Variants in FBXL7 observed in about 807,000 individuals in gnomAD.
FBXL7 encodes the protein F-box/LRR-repeat protein 7.
In FBXL7, 12 loss-of-function variants were observed where a neutral mutation model predicts 38.3. The ratio of observed to expected loss-of-function variants is 0.31; its 90% CI spans 0.20 to 0.51. The LOEUF (loss-of-function observed/expected upper bound fraction) is 0.51. FBXL7 is among the 20% of genes least tolerant of loss of function. The pLI is 0.98. For missense variants in FBXL7, 567 were observed against 676.4 expected (o/e 0.84, Z 1.79); for synonymous variants, 297 against 300.9 (o/e 0.99, Z 0.13).
chr5:15,885,090 C>G (rs934103784), intron 2 of FBXL7, among the ~76,000 whole-genome samples: 1 of 152,188 alleles, frequency 6.6e-6, no homozygotes, highest in Non-Finnish European at 1.5e-5. Context: ...AAGGTGTTGT[C>G]TGGGACTGCA....
intron 2 of FBXL7, among the ~76,000 whole-genome samples, chr5:15,749,352 T>C (rs879512109): frequency 1.3e-5 from 2 of 150,656 alleles, no homozygotes; most frequent in Non-Finnish European, 3.0e-5. Context: ...CTCGGCTGGG[T>C]GCGGTGGCTC....
intron 1 of FBXL7, among the ~76,000 whole-genome samples, chr5:15,615,589 T>TA (rs1171373789): frequency 6.6e-6 from 1 of 152,258 alleles, no homozygotes. Flanking sequence ...GATTATGCCT[T>TA]ATTCTTTGCT....
In FBXL7 at chr5:15,726,462, C is replaced by T. The variant is rs187921932; in HGVS notation, c.127+110390C>T. 1.9e-3 allele frequency among the ~76,000 whole-genome samples: 295 copies of T among 151,898 alleles called. 1 individual carries two copies. Among genetic ancestry groups the T allele is most frequent in the Non-Finnish European group, 2.7e-3 (183 of 67,944 alleles). ...ATAAAATAAACACTTTGGGAGGCTG[C>T]GGCAGGCAGATCACGAGATCAGGAG... On this transcript the variant is annotated intron_variant, in intron 2 of 3. Transcript: ENST00000504595.
chr5:15,912,901 C>T (rs928466475), intron 2 of FBXL7, among the ~76,000 whole-genome samples: 5 of 152,114 alleles, frequency 3.3e-5, no homozygotes, highest in Admixed American at 6.5e-5. Flanking sequence ...ACTACCCATG[C>T]GAAATGTATC....
Position 15,585,224 on chromosome 5 carries a change from G to A in FBXL7, c.38-30759G>A, listed in dbSNP as rs532242561. 4.1e-4 allele frequency among the ~76,000 whole-genome samples: 63 copies of A among 152,274 alleles called. 1 individual carries two copies. In the Middle Eastern group the frequency reaches 0.01, roughly 25 times the overall value. On this transcript the variant is annotated intron_variant, in intron 1 of 3. Coordinates refer to ENST00000504595, the MANE Select transcript of FBXL7 (RefSeq NM_012304.5). Reference sequence around the variant, plus strand: ...GACACATTTGTAATTTGCATTAGATGAAAGGAAAGACAGAAATGTACACTG... The same window carrying A: ...GACACATTTGTAATTTGCATTAGATAAAAGGAAAGACAGAAATGTACACTG...
rs184214110 is a variant in FBXL7, at chr5:15,595,426, G to A, written c.38-20557G>A. On this transcript the variant is annotated intron_variant, in intron 1 of 3. Coordinates refer to ENST00000504595, the MANE Select transcript of FBXL7 (RefSeq NM_012304.5). ...GCAGACCAGATCGGCTGAGGTACAG[G>A]GAGGAAAGAAGCACCTGGAGAGATC... is the stretch of plus-strand genomic sequence containing the variant. 3.3e-5 allele frequency among the ~76,000 whole-genome samples: 5 copies of A among 152,254 alleles called. 1 individual carries two copies. In the East Asian group the frequency reaches 7.7e-4, roughly 24 times the overall value.
At chr5:15,709,446 A>G (rs1445954419) in intron 2 of FBXL7, among the ~76,000 whole-genome samples, 5 of 151,350 alleles carry the variant, frequency 3.3e-5, no homozygotes, top group Non-Finnish European at 7.4e-5. Flanking sequence ...AGGCAGGAGA[A>G]TTGCTCAAAC....
chr5:15,594,146 G>C (rs1378907572), intron 1 of FBXL7, among the ~76,000 whole-genome samples: 1 of 152,168 alleles, frequency 6.6e-6, no homozygotes, highest in Non-Finnish European at 1.5e-5. Context: ...AATTGGGTAA[G>C]TTTTTAAGGC....
chr5:15,853,444 C>G (rs1739160621), intron 2 of FBXL7, among the ~76,000 whole-genome samples: 1 of 151,938 alleles, frequency 6.6e-6, no homozygotes. Context: ...GTAGAGACCT[C>G]GAGTTGAGAG....
At chr5:15,778,171 TTCTC>T (rs1736905215) in intron 2 of FBXL7, among the ~76,000 whole-genome samples, 1 of 152,016 alleles carries the variant, frequency 6.6e-6, no homozygotes, top group Non-Finnish European at 1.5e-5. Flanking sequence ...AATGTATACT[TTCTC>T]TATAATAAGG....
At chr5:15,696,381 A>G (rs1256388162) in intron 2 of FBXL7, among the ~76,000 whole-genome samples, 1 of 152,180 alleles carries the variant, frequency 6.6e-6, no homozygotes, top group Non-Finnish European at 1.5e-5. Flanking sequence ...ATTATTTTGA[A>G]TTGGAAGGGT....
intron 2 of FBXL7, among the ~76,000 whole-genome samples, chr5:15,617,664 C>A (rs1740500674): frequency 6.6e-6 from 1 of 152,164 alleles, no homozygotes; most frequent in Admixed American, 6.5e-5. Context: ...GTCTCAAACT[C>A]CTGACCTCAG....
chr5:15,766,257 G>A (rs2126704968), intron 2 of FBXL7, among the ~76,000 whole-genome samples: 1 of 150,156 alleles, frequency 6.7e-6, no homozygotes, highest in South Asian at 2.1e-4. Context: ...GCAGAGTTTG[G>A]GTCTACTCTG....
At chr5:15,781,744 T>G (rs1005394013) in intron 2 of FBXL7, among the ~76,000 whole-genome samples, 2 of 152,100 alleles carry the variant, frequency 1.3e-5, no homozygotes, top group African/African-American at 4.8e-5. Context: ...TAGCTAGACC[T>G]CTCTTGATAA....
chr5:15,703,941 A>G (rs1743604005), intron 2 of FBXL7, among the ~76,000 whole-genome samples: 1 of 152,232 alleles, frequency 6.6e-6, no homozygotes, highest in Admixed American at 6.5e-5. Flanking sequence ...AGAGCATCTA[A>G]GCAGGGTCAC....
chr5:15,670,788 G>A (rs1175911243), intron 2 of FBXL7, among the ~76,000 whole-genome samples: 2 of 151,286 alleles, frequency 1.3e-5, no homozygotes, highest in South Asian at 2.1e-4. Context: ...GTGACAGAGT[G>A]AGACTCCCAC....
chr5:15,900,726 G>A (rs1017205797), intron 2 of FBXL7, among the ~76,000 whole-genome samples: 4 of 152,182 alleles, frequency 2.6e-5, no homozygotes, highest in African/African-American at 7.2e-5. Context: ...AATTGAAGTA[G>A]TATGGACTGT....
intron 2 of FBXL7, among the ~76,000 whole-genome samples, chr5:15,655,757 G>A (rs1372848853): frequency 6.6e-6 from 1 of 152,138 alleles, no homozygotes; most frequent in African/African-American, 2.4e-5. Flanking sequence ...AACTGAGAGA[G>A]ACTTACGTGT....
chr5:15,837,378 T>C (rs1436868127), intron 2 of FBXL7, among the ~76,000 whole-genome samples: 1 of 152,208 alleles, frequency 6.6e-6, no homozygotes, highest in Non-Finnish European at 1.5e-5. Flanking sequence ...TTTTAAGGGA[T>C]CTGAGCCATA....
Sources: gnomAD v4.1 joint callset for allele counts (sites outside exome capture counted in the v4.1 genomes callset) on GRCh38, gnomAD v4.1.1 for gene constraint, MANE v1.5 for transcripts, NCBI Gene and HGNC (gene_info 2026-07-23, HGNC 2026-07-21) for gene names.